BSG: variants seen among roughly 807,000 people sequenced by gnomAD.
BSG encodes basigin.
A neutral mutation model predicts 43.1 loss-of-function variants in BSG; 37 were observed. The ratio of observed to expected loss-of-function variants is 0.86; its 90% CI spans 0.66 to 1.13. BSG has a LOEUF of 1.13. Ranked by LOEUF, BSG falls within the 50% of genes most tolerant of loss-of-function variation. The pLI, the probability that BSG is intolerant of heterozygous loss-of-function variation, is 0.00. For synonymous variants in BSG, 309 were observed against 238.7 expected (o/e 1.29, Z -2.72); for missense variants, 599 against 554.2 (o/e 1.08, Z -0.81).
At chr19:572,843 G>C (rs1981388271) in intron 1 of BSG, 142 bp downstream of exon 1, 23 of 1,026,738 alleles carry the variant, frequency 2.2e-5, no homozygotes, top group Non-Finnish European at 2.9e-5. Context: ...GGGGCTTCCC[G>C]CGCCAGCATG....
intron 2 of BSG, 37 bp from the exon 3 acceptor site, chr19:579,463 C>T (rs1568351633): frequency 1.2e-6 from 2 of 1,610,624 alleles, no homozygotes; most frequent in Non-Finnish European, 1.7e-6. Flanking sequence ...GGCCGTGCTC[C>T]TCCACTCTGC....
rs1981356348 is a variant in BSG, at chr19:572,627, T to A, written c.-8T>A. 1.3e-6 allele frequency: 2 copies of A among 1,500,714 alleles called. No homozygotes were observed. The highest frequency in any genetic ancestry group is 1.8e-6 in the Non-Finnish European group (2 of 1,122,812). 93.0% of individuals were successfully genotyped at this position (1,500,714 alleles called of 1,614,324 possible). The stretch of plus-strand genomic sequence containing the variant: ...TGGAGGTTGTAGGACCGGCGAGGAA[T>A]AGGAATCATGGCGGCTGCGCTGTTC... On this transcript the variant is annotated 5_prime_UTR_variant, in exon 1 of 9. Transcript: ENST00000333511.
intron 1 of BSG, among the ~76,000 whole-genome samples, chr19:573,606 T>C (rs1417351444): frequency 6.6e-6 from 1 of 152,130 alleles, no homozygotes; most frequent in Non-Finnish European, 1.5e-5. Context: ...CTCCCTCTGA[T>C]TCTGCCTGGA....
At chr19:578,239 C>A in intron 2 of BSG, 118 bp downstream of exon 2, 2 of 1,105,352 alleles carry the variant, frequency 1.8e-6, no homozygotes, top group South Asian at 1.9e-5. Flanking sequence ...CGCTGTGCCC[C>A]GTTGGGCCCA....
At chr19:578,966 GA>G in intron 2 of BSG, 1 of 453,482 alleles carries the variant, frequency 2.2e-6, no homozygotes, top group South Asian at 1.6e-5. Flanking sequence ...TCCCGACCTC[GA>G]GATCCACCCG....
chr19:582,611 C>T (rs1982428914), intron 8 of BSG, 29 bp downstream of exon 8: 2 of 72,630 alleles, frequency 2.8e-5, no homozygotes, highest in African/African-American at 4.3e-4. Context: ...CCTCCTGAGC[C>T]AGGTGTGGTG....
chr19:572,643 T>C lies in BSG; in HGVS notation c.9T>C (p.Ala3=), dbSNP rs924673090. 12 of 1,504,282 alleles carry C rather than the reference T, an allele frequency of 8.0e-6. No individual in the cohort carries two copies. Among genetic ancestry groups the C allele is most frequent in the Non-Finnish European group, 1.1e-5 (12 of 1,125,148 alleles). 93.2% of individuals were successfully genotyped at this position (1,504,282 alleles called of 1,614,324 possible). The part of the protein sequence containing the change: MA[A]ALFVLLGFAL... Reference sequence around the variant, plus strand: ...GGCGAGGAATAGGAATCATGGCGGCTGCGCTGTTCGTGCTGCTGGGATTCG... The same window carrying C: ...GGCGAGGAATAGGAATCATGGCGGCCGCGCTGTTCGTGCTGCTGGGATTCG... The change falls in exon 1 of 9, where the codon GCT becomes GCC. Residue 3 remains alanine (A), a synonymous_variant. Coordinates refer to ENST00000333511, the MANE Select transcript of BSG (RefSeq NM_001728.4).
chr19:572,755 G>A (rs1018543705), intron 1 of BSG, 54 bp downstream of exon 1: 5 of 1,375,496 alleles, frequency 3.6e-6, no homozygotes, highest in Non-Finnish European at 3.8e-6. Context: ...GGGAATGGAG[G>A]CCGCGGTGCC....
intron 1 of BSG, among the ~76,000 whole-genome samples, chr19:576,687 G>A (rs1371420808): frequency 6.6e-6 from 1 of 152,008 alleles, no homozygotes; most frequent in African/African-American, 2.4e-5. Context: ...CTTGAACCCG[G>A]GAGGCAGAGG....
intron 1 of BSG, among the ~76,000 whole-genome samples, chr19:574,411 G>A (rs1400008724): frequency 6.6e-6 from 1 of 152,180 alleles, no homozygotes; most frequent in Non-Finnish European, 1.5e-5. Flanking sequence ...AAATTAGCCT[G>A]GCGTGGTGGC....
chr19:577,858 T>G lies in BSG; in HGVS notation c.152T>G (p.Val51Gly). The stretch of plus-strand genomic sequence containing the variant: ...CACTGCGAGGCCGTGGGCAGCCCGG[T>G]GCCCGAGATCCAGTGGTGGTTTGAA... ...ELHCEAVGSP[V>G]PEIQWWFEGQ... Residue 51 changes from valine to glycine, a missense_variant, in exon 2 of 9, where the codon GTG (valine) becomes GGG (glycine). Val to Gly is a moderately radical substitution (Grantham distance 109). Coordinates refer to ENST00000333511, the MANE Select transcript of BSG (RefSeq NM_001728.4). The G allele has an allele frequency of 1.3e-6, 2 of 1,548,578 alleles. No individual in the cohort carries two copies. The highest frequency in any genetic ancestry group is 1.8e-6 in the Non-Finnish European group (2 of 1,141,084).
intron 1 of BSG, among the ~76,000 whole-genome samples, chr19:573,703 GT>G (rs1326267679): frequency 6.7e-6 from 1 of 149,080 alleles, no homozygotes; most frequent in Non-Finnish European, 1.5e-5. Context: ...AGGTTCCAAG[GT>G]CACAGTGAGG....
chr19:572,505 G>A, upstream of BSG: 1 of 1,206,548 alleles, frequency 8.3e-7, no homozygotes, highest in Middle Eastern at 2.9e-4. Flanking sequence ...GGCGTCCCCG[G>A]CGCTCGCCCC....
chr19:572,712 G>T lies in BSG; in HGVS notation c.67+11G>T. ...GAGCCTCCGGGGCTGGTGAGGAGCGGGTAGGGGGCGGGGGTGCGGTCCTGC... is the reference window on the plus strand; with the variant it reads ...GAGCCTCCGGGGCTGGTGAGGAGCGTGTAGGGGGCGGGGGTGCGGTCCTGC... On this transcript the variant is annotated intron_variant, in intron 1 of 8. Coordinates refer to ENST00000333511, the MANE Select transcript of BSG (RefSeq NM_001728.4). 6.8e-7 allele frequency: 1 copy of T among 1,469,122 alleles called. No individual in the cohort carries two copies. The highest frequency in any genetic ancestry group is 9.1e-7 in the Non-Finnish European group (1 of 1,103,156). The allele number at this position is 1,469,122 out of a possible 1,614,324, so 91.0% of individuals were successfully genotyped here. A position where few individuals can be genotyped will look rare whatever the true frequency, so the allele number is the denominator to read the frequency against.
rs560734336 is a variant in BSG, at chr19:577,756, C to T, written c.68-18C>T. On this transcript the variant is annotated intron_variant, in intron 1 of 8. Coordinates refer to ENST00000333511, the MANE Select transcript of BSG (RefSeq NM_001728.4). ...TGCCCCAGGCACTAACAAGACCCCA[C>T]GCGTGCTCTCCCCACAGCCGGCTTC... is the stretch of plus-strand genomic sequence containing the variant. 7.4e-5 allele frequency: 103 copies of T among 1,395,178 alleles called. No homozygotes were observed. The Middle Eastern group carries it at 9.0e-4, about 12-fold the overall frequency. The allele number at this position is 1,395,178 out of a possible 1,614,324, so 86.4% of individuals were successfully genotyped here.
rs749234089 is a variant in BSG, at chr19:577,970, C to T, written c.264C>T (p.His88=). ...ACATCCACGCCACCTACCACCAGCA[C>T]GCGGCCAGCACCATCTCCATCGACA... ...RVHIHATYHQ[H]AASTISIDTL... The change falls in exon 2 of 9, where the codon CAC becomes CAT. Residue 88 remains histidine (H), a synonymous_variant. Coordinates refer to ENST00000333511, the MANE Select transcript of BSG (RefSeq NM_001728.4). 1.4e-5 allele frequency: 22 copies of T among 1,611,970 alleles called. No individual in the cohort carries two copies. Among genetic ancestry groups the T allele is most frequent in the Middle Eastern group, 1.6e-4 (1 of 6,080 alleles).
upstream of BSG, chr19:571,323 C>T (rs958241648): frequency 1.0e-5 from 6 of 591,306 alleles, no homozygotes; most frequent in Admixed American, 6.0e-5. Flanking sequence ...TAGCCCTTCG[C>T]GTTCGGCTTA....
rs746647318 is a variant in BSG, at chr19:582,532, C to G, written c.1113C>G (p.His371Gln). The G allele has an allele frequency of 1.9e-6, 3 of 1,605,084 alleles. No homozygotes were observed. In the African/African-American group the frequency reaches 4.0e-5, roughly 22 times the overall value. Residue 371 changes from histidine to glutamine, a missense_variant, in exon 8 of 9, where the codon CAC becomes CAG. By Grantham distance (24) the His-to-Gln change is conservative (BLOSUM62 0). Transcript: ENST00000333511. ...GCCCCAGGAAGAGCAGCGGGCAGCA[C>G]CAGAATGACAAAGGCAAGAACGTCC... ...GSAPLKSSGQ[H>Q]QNDKGKNVRQ...
rs781165502 is a variant in BSG at position 579,498 on chromosome 19, A to G, written c.416-2A>G. 2.0e-5 allele frequency: 32 copies of G among 1,612,566 alleles called. No individual in the cohort carries two copies. The highest frequency in any genetic ancestry group is 2.6e-5 in the Non-Finnish European group (31 of 1,179,898). On this transcript the variant is annotated splice_acceptor_variant, in intron 2 of 8. Transcript: ENST00000333511. LOFTEE classifies it high-confidence loss of function. ...CTGACCGCGTCTCGCCGGGCCTTGC[A>G]GCCGGCACAGTCTTCACTACCGTAG...
Sources: gnomAD v4.1 joint callset for allele counts (sites outside exome capture counted in the v4.1 genomes callset) on GRCh38, gnomAD v4.1.1 for gene constraint, MANE v1.5 for transcripts, NCBI Gene and HGNC (gene_info 2026-07-23, HGNC 2026-07-21) for gene names.